SNTG1: variants seen among roughly 807,000 people sequenced by gnomAD.
SNTG1 encodes the protein gamma-1-syntrophin.
In SNTG1, 39 loss-of-function variants were observed where a neutral mutation model predicts 74.7. The ratio of observed to expected loss-of-function variants is 0.52; its 90% CI spans 0.40 to 0.68. The LOEUF (loss-of-function observed/expected upper bound fraction) is 0.68, where lower values mean the gene tolerates loss of function less well. Ranked by LOEUF, SNTG1 falls within the 30% of genes least tolerant of loss-of-function variation. The pLI is 0.00. For missense variants in SNTG1, 685 were observed against 609.5 expected, an observed-to-expected ratio of 1.12 and a Z score of -1.30; for synonymous variants, 254 against 217.1, an observed-to-expected ratio of 1.17 and a Z score of -1.49.
In SNTG1 at chr8:50,537,293, T is replaced by TTTTTG. The variant is rs564039192; in HGVS notation, c.680+505_680+509dup. Among the ~76,000 whole-genome samples, 315 of 152,120 alleles carry TTTTTG rather than the reference T, an allele frequency of 2.1e-3. 1 individual carries two copies. The highest frequency in any genetic ancestry group is 6.8e-3 in the Middle Eastern group (2 of 294). ...GCACATGCCACCATGCCCAGCTAAT[T>TTTTTG]TTTTGTTTTGTTTTGTTTTGTTTTC... On this transcript the variant is annotated intron_variant, in intron 11 of 18. Coordinates refer to ENST00000642720, the MANE Select transcript of SNTG1 (RefSeq NM_018967.5).
intron 2 of SNTG1, among the ~76,000 whole-genome samples, chr8:50,296,604 C>T (rs1339038098): frequency 6.6e-6 from 1 of 151,950 alleles, no homozygotes; most frequent in Non-Finnish European, 1.5e-5. Context: ...CACACTGGGG[C>T]CTGTCAGGAG....
chr8:49,966,806 G>T (rs755264842), intron 1 of SNTG1, among the ~76,000 whole-genome samples: 4 of 152,064 alleles, frequency 2.6e-5, no homozygotes, highest in Non-Finnish European at 2.9e-5. Context: ...GTATGATGAC[G>T]TGTGAAATTA....
rs1013835068 is a variant in SNTG1 at position 50,065,306 on chromosome 8, T to A, written c.-102-107255T>A. On this transcript the variant is annotated intron_variant, in intron 1 of 18. Transcript: ENST00000642720. The stretch of plus-strand genomic sequence containing the variant: ...AAGATAACGTAAAGCATCATGTTTT[T>A]TATCTTATTTTTGTTTAGCTGTTTG... Among the ~76,000 whole-genome samples, 53 of 152,212 alleles carry A rather than the reference T, an allele frequency of 3.5e-4. 1 individual carries two copies. Among genetic ancestry groups the A allele is most frequent in the Admixed American group, 3.1e-3 (48 of 15,284 alleles).
At chr8:49,989,198 C>G (rs566392196) in intron 1 of SNTG1, among the ~76,000 whole-genome samples, 8 of 151,976 alleles carry the variant, frequency 5.3e-5, no homozygotes, top group Non-Finnish European at 1.0e-4. Context: ...AATCGACAAA[C>G]TTTTAGCTGG....
At chr8:50,087,940 C>T (rs1222078917) in intron 1 of SNTG1, among the ~76,000 whole-genome samples, 4 of 112,868 alleles carry the variant, frequency 3.5e-5, no homozygotes, top group African/African-American at 6.8e-5. Context: ...CCTCCCCCCA[C>T]CCCACCACAG....
chr8:50,723,210 A>C (rs1585640190), intron 17 of SNTG1, among the ~76,000 whole-genome samples: 2 of 152,182 alleles, frequency 1.3e-5, no homozygotes, highest in African/African-American at 4.8e-5. Context: ...TAATTACTTA[A>C]TATAAAGGTT....
chr8:50,490,349 A>G (rs2093840320), intron 8 of SNTG1, among the ~76,000 whole-genome samples: 1 of 152,102 alleles, frequency 6.6e-6, no homozygotes, highest in South Asian at 2.1e-4. Context: ...TGAATCTATA[A>G]ATTACTTTGG....
chr8:50,492,388 C>G (rs2093864941), intron 8 of SNTG1, among the ~76,000 whole-genome samples: 1 of 152,158 alleles, frequency 6.6e-6, no homozygotes, highest in African/African-American at 2.4e-5. Flanking sequence ...TCTCCACATC[C>G]TCTCCGGCAT....
intron 1 of SNTG1, among the ~76,000 whole-genome samples, chr8:50,081,229 A>C (rs922247272): frequency 1.4e-4 from 22 of 151,838 alleles, no homozygotes; most frequent in African/African-American, 5.3e-4. Flanking sequence ...GCTGGTTATA[A>C]AATTCTTTGT....
chr8:50,303,344 T>C (rs2089734248), intron 2 of SNTG1, among the ~76,000 whole-genome samples: 1 of 152,064 alleles, frequency 6.6e-6, no homozygotes. Flanking sequence ...TCAGTACATA[T>C]AGCAAAATTA....
intron 2 of SNTG1, among the ~76,000 whole-genome samples, chr8:50,268,419 T>G (rs532813819): frequency 1.3e-5 from 2 of 152,138 alleles, no homozygotes; most frequent in African/African-American, 2.4e-5. Context: ...ACATATTTTT[T>G]AAATAGACAT....
intron 1 of SNTG1, among the ~76,000 whole-genome samples, chr8:49,927,953 A>G (rs532998614): frequency 6.3e-4 from 96 of 151,840 alleles, no homozygotes; most frequent in African/African-American, 2.0e-3. Flanking sequence ...CTTGACTACT[A>G]AAAATATAAA....
chr8:49,945,128 G>T lies in SNTG1; in HGVS notation c.-103+32897G>T, dbSNP rs73569333. Reference sequence around the variant, plus strand: ...GTGGTGTGATGAGTATTCTGAATAGGTATCTAATAATCATAGATTTAGTAC... The same window carrying T: ...GTGGTGTGATGAGTATTCTGAATAGTTATCTAATAATCATAGATTTAGTAC... On this transcript the variant is annotated intron_variant, in intron 1 of 18. Transcript: ENST00000642720. 8.0e-3 allele frequency among the ~76,000 whole-genome samples: 1,220 copies of T among 152,170 alleles called. 22 individuals are homozygous for T. Among genetic ancestry groups the T allele is most frequent in the African/African-American group, 0.027 (1,106 of 41,500 alleles).
chr8:50,184,795 A>T (rs2083323555), intron 2 of SNTG1, among the ~76,000 whole-genome samples: 1 of 152,122 alleles, frequency 6.6e-6, no homozygotes. Flanking sequence ...AAACATAAGG[A>T]TTGGTATATT....
intron 4 of SNTG1, among the ~76,000 whole-genome samples, chr8:50,429,260 T>C (rs2131512040): frequency 6.6e-6 from 1 of 152,118 alleles, no homozygotes; most frequent in South Asian, 2.1e-4. Flanking sequence ...GAATAGACAG[T>C]AATCTAAGGT....
chr8:50,667,935 C>T (rs1045497160), intron 15 of SNTG1, among the ~76,000 whole-genome samples: 3 of 151,952 alleles, frequency 2.0e-5, no homozygotes, highest in African/African-American at 7.2e-5. Flanking sequence ...GATAATAGAA[C>T]TTTAATTCCC....
chr8:50,656,873 A>G, intron 13 of SNTG1, 36 bp from the exon 14 acceptor site: 2 of 1,321,140 alleles, frequency 1.5e-6, no homozygotes, highest in Non-Finnish European at 2.2e-6. Flanking sequence ...TAAAATAAGA[A>G]GTTTTGACAG....
chr8:50,302,802 CCAGTCTCCA>C (rs2089711638), intron 2 of SNTG1, among the ~76,000 whole-genome samples: 1 of 152,104 alleles, frequency 6.6e-6, no homozygotes, highest in South Asian at 2.1e-4. Flanking sequence ...CCTTGGATTT[CCAGTCTCCA>C]CAGCTGTGAG....
At position 50,395,506 on chromosome 8, in the gene SNTG1, G is replaced by GGTTTTTTTTTTTTTTTTTTTTT. The variant is rs58030144; in HGVS notation, c.27+1241_27+1242insGTTTTTTTTTTTTTTTTTTTTT. Among the ~76,000 whole-genome samples, 5 of 135,656 alleles carry GGTTTTTTTTTTTTTTTTTTTTT rather than the reference G, an allele frequency of 3.7e-5. 2 individuals are homozygous for GGTTTTTTTTTTTTTTTTTTTTT. The highest frequency in any genetic ancestry group is 6.2e-5 in the Non-Finnish European group (4 of 64,850). 89.0% of individuals were successfully genotyped at this position (135,656 alleles called of 152,430 possible). Reference sequence around the variant, plus strand: ...TTTAAATTTTAATTGTCTAATTTCTGTTTTTTTTTTTTTTTTTAATGGAGT... The same window carrying GGTTTTTTTTTTTTTTTTTTTTT: ...TTTAAATTTTAATTGTCTAATTTCTGGTTTTTTTTTTTTTTTTTTTTTTTTTTTTTTTTTTTTTTAATGGAGT... On this transcript the variant is annotated intron_variant, in intron 3 of 18. Coordinates refer to ENST00000642720, the MANE Select transcript of SNTG1 (RefSeq NM_018967.5).
Sources: gnomAD v4.1 joint callset for allele counts (sites outside exome capture counted in the v4.1 genomes callset) on GRCh38, gnomAD v4.1.1 for gene constraint, MANE v1.5 for transcripts, NCBI Gene and HGNC (gene_info 2026-07-23, HGNC 2026-07-21) for gene names.